The following ADAMTS17 variants were observed in gnomAD, a reference collection of about 807,000 sequenced individuals.
ADAMTS17 encodes A disintegrin and metalloproteinase with thrombospondin motifs 17.
ADAMTS17 carries 113 observed loss-of-function variants against 141.5 expected under a neutral mutation model. That is an observed-to-expected ratio of 0.80 (90% confidence interval 0.69 to 0.93). ADAMTS17 has a LOEUF of 0.93. Among genes scored for constraint, ADAMTS17 ranks in the 40% least tolerant of loss-of-function variants. The probability of loss-of-function intolerance (pLI) is 0.00; values close to 1 mark genes in which losing one functional copy is unlikely to be tolerated. For missense variants in ADAMTS17, 1,659 were observed against 1,517.9 expected (o/e 1.09, Z -1.54); for synonymous variants, 768 against 630.6 (o/e 1.22, Z -3.27).
intron 20 of ADAMTS17, chr15:99,976,535 G>C: frequency 1.9e-6 from 1 of 538,918 alleles, no homozygotes; most frequent in Admixed American, 3.1e-5. Flanking sequence ...ACTGTTTCAA[G>C]ATGTTATGGA....
chr15:100,092,411 G>A (rs181430903), intron 15 of ADAMTS17, among the ~76,000 whole-genome samples: 1 of 152,304 alleles, frequency 6.6e-6, no homozygotes, highest in East Asian at 1.9e-4. Flanking sequence ...GGGACGACAC[G>A]TAACATCCAG....
At chr15:100,282,157 C>G (rs537882110) in intron 3 of ADAMTS17, among the ~76,000 whole-genome samples, 19 of 152,326 alleles carry the variant, frequency 1.2e-4, no homozygotes, top group Non-Finnish European at 2.5e-4. Context: ...ACATCTCTGA[C>G]CAACACAACA....
intron 15 of ADAMTS17, among the ~76,000 whole-genome samples, chr15:100,078,165 T>G (rs2141790612): frequency 6.6e-6 from 1 of 152,016 alleles, no homozygotes; most frequent in Middle Eastern, 3.4e-3. Flanking sequence ...ATGTAACTGC[T>G]TCACAAATTG....
At chr15:100,239,045 A>G (rs8034245) in intron 7 of ADAMTS17, among the ~76,000 whole-genome samples, 99,245 of 152,074 alleles carry the variant, frequency 0.65, 32,666 homozygotes, top group African/African-American at 0.73. Context: ...AGCCGAGATC[A>G]CGCCACTGCA....
intron 10 of ADAMTS17, among the ~76,000 whole-genome samples, chr15:100,138,628 G>C (rs1292191148): frequency 1.3e-5 from 2 of 152,220 alleles, no homozygotes; most frequent in Non-Finnish European, 2.9e-5. Context: ...GATGGGTTAA[G>C]AGATCCGAAG....
At chr15:100,152,817 T>G in intron 9 of ADAMTS17, 55 bp from the exon 10 acceptor site, 1 of 1,534,600 alleles carries the variant, frequency 6.5e-7, no homozygotes, top group Non-Finnish European at 8.8e-7. Flanking sequence ...GGTTTTTTTG[T>G]TTTCTTTTTC....
In ADAMTS17 at chr15:100,341,425, A is replaced by AGAC; in HGVS notation, c.80-19_80-17dup. On this transcript the variant is annotated splice_polypyrimidine_tract_variant and intron_variant, in intron 1 of 21. Coordinates refer to ENST00000268070, the MANE Select transcript of ADAMTS17 (RefSeq NM_139057.4). The stretch of plus-strand genomic sequence containing the variant: ...TCGCCGACAGCTGCGGGGAGAGAGG[A>AGAC]GACGCGTCAGCGCGGCGGGGCCCGC... 1 of 1,013,742 alleles carries AGAC rather than the reference A, an allele frequency of 9.9e-7. No homozygotes were observed. The allele number at this position is 1,013,742 out of a possible 1,614,324, so 62.8% of individuals were successfully genotyped here. A position where few individuals can be genotyped will look rare whatever the true frequency, so the allele number is the denominator to read the frequency against.
chr15:100,127,142 G>A (rs113591466), intron 12 of ADAMTS17, among the ~76,000 whole-genome samples: 4,419 of 152,238 alleles, frequency 0.029, 99 homozygotes, highest in Non-Finnish European at 0.038. Flanking sequence ...AGGCTGCAGG[G>A]GGCTGAACGG....
Position 100,205,570 on chromosome 15 carries a change from C to T in ADAMTS17, c.1076-6147G>A, listed in dbSNP as rs146691564. 2.4e-3 allele frequency among the ~76,000 whole-genome samples: 364 copies of T among 152,148 alleles called. 1 individual carries two copies. The highest frequency in any genetic ancestry group is 7.4e-3 in the African/African-American group (306 of 41,502). ...TGTCAAATCACAGTGTGCCTCTCTT[C>T]GGAGAACCCCAGAGAGGCTCAGGGG... On this transcript the variant is annotated intron_variant, in intron 7 of 21. Transcript: ENST00000268070.
At chr15:100,077,129 G>C (rs556002238) in intron 15 of ADAMTS17, among the ~76,000 whole-genome samples, 1 of 151,682 alleles carries the variant, frequency 6.6e-6, no homozygotes, top group South Asian at 2.1e-4. Flanking sequence ...TTTATGCTAG[G>C]ACTCAAGCTT....
rs2060238954 is a variant in ADAMTS17, at chr15:99,972,830, C to T, written c.*1572G>A. ...AGACAGGGTGGAGAAGGCAGAGAGG[C>T]TTCTTTCTGATTTAAGCTAACTCTA... On this transcript the variant is annotated 3_prime_UTR_variant, in exon 22 of 22. Coordinates refer to ENST00000268070, the MANE Select transcript of ADAMTS17 (RefSeq NM_139057.4). 1.3e-5 allele frequency: 2 copies of T among 152,196 alleles called. No homozygotes were observed. Among genetic ancestry groups the T allele is most frequent in the African/African-American group, 2.4e-5 (1 of 41,436 alleles). The allele number at this position is 152,196 out of a possible 1,614,324, so 9.4% of individuals were successfully genotyped here.
At chr15:99,982,989 CAT>C (rs1294788724) in intron 20 of ADAMTS17, among the ~76,000 whole-genome samples, 11 of 152,318 alleles carry the variant, frequency 7.2e-5, no homozygotes, top group Admixed American at 6.5e-5. Context: ...TGGATTTACT[CAT>C]GTGCTTTTTT....
intron 2 of ADAMTS17, among the ~76,000 whole-genome samples, chr15:100,339,902 C>T (rs1001425313): frequency 6.6e-6 from 1 of 152,230 alleles, no homozygotes; most frequent in African/African-American, 2.4e-5. Flanking sequence ...AGACCTTGCA[C>T]CCCCAGCCTT....
chr15:100,285,972 G>C (rs1484366764), intron 3 of ADAMTS17, among the ~76,000 whole-genome samples: 1 of 152,138 alleles, frequency 6.6e-6, no homozygotes, highest in African/African-American at 2.4e-5. Flanking sequence ...TAGGGCCCCA[G>C]CATGGTCACA....
In ADAMTS17 at chr15:100,109,046, C is replaced by G; in HGVS notation, c.1959G>C (p.Leu653=). 6.2e-7 allele frequency: 1 copy of G among 1,614,108 alleles called. No individual in the cohort carries two copies. Among genetic ancestry groups the G allele is most frequent in the Non-Finnish European group, 8.5e-7 (1 of 1,180,038 alleles). The change falls in exon 14 of 22, where the codon CTG becomes CTC. Residue 653 remains leucine, a synonymous_variant. Coordinates refer to ENST00000268070, the MANE Select transcript of ADAMTS17 (RefSeq NM_139057.4). ...CGTAGGGCCCGCAGGGTGTACCGTCCAGGACCCTGTCGGCCACCAGCAGTG... is the reference window on the plus strand; with the variant it reads ...CGTAGGGCCCGCAGGGTGTACCGTCGAGGACCCTGTCGGCCACCAGCAGTG... ...ESPLLVADRV[L]DGTPCGPYET...
chr15:100,267,575 C>A (rs1034690189), intron 4 of ADAMTS17, among the ~76,000 whole-genome samples: 1 of 152,058 alleles, frequency 6.6e-6, no homozygotes, highest in Non-Finnish European at 1.5e-5. Flanking sequence ...AGGTTGGTTA[C>A]GTGAGTATAT....
rs879303977 is a variant in ADAMTS17 at position 100,318,274 on chromosome 15, GC to G, written c.616+12614del. Among the ~76,000 whole-genome samples the G allele has an allele frequency of 2.6e-3, 334 of 130,714 alleles. 1 individual carries two copies. The highest frequency in any genetic ancestry group is 8.7e-3 in the African/African-American group (317 of 36,620). The allele number at this position is 130,714 out of a possible 152,430, so 85.8% of individuals were successfully genotyped here. Reference sequence around the variant, plus strand: ...ATTTACCAGACAAAATCTAACACCCGCCCCCCCTTATAGTTTTTTAATACCA... The same window carrying G: ...ATTTACCAGACAAAATCTAACACCCGCCCCCCTTATAGTTTTTTAATACCA... On this transcript the variant is annotated intron_variant, in intron 3 of 21. Transcript: ENST00000268070.
rs943028480 is a variant in ADAMTS17, at chr15:100,070,298, C to A, written c.2138-16244G>T. ...ACTCCCACACAATAATAATGGGAGA[C>A]TTTAACACCCCACTGTCAACATTAG... On this transcript the variant is annotated intron_variant, in intron 15 of 21. Transcript: ENST00000268070. 4.6e-4 allele frequency among the ~76,000 whole-genome samples: 69 copies of A among 149,930 alleles called. 3 individuals carry two copies. Among genetic ancestry groups the A allele is most frequent in the Middle Eastern group, 6.9e-3 (2 of 290 alleles).
At chr15:100,102,940 G>T (rs1596439435) in intron 14 of ADAMTS17, among the ~76,000 whole-genome samples, 1 of 152,168 alleles carries the variant, frequency 6.6e-6, no homozygotes, top group Non-Finnish European at 1.5e-5. Flanking sequence ...CTCGGTTTGG[G>T]CTGTCTTTTC....
Sources: allele counts gnomAD v4.1 joint callset (sites outside exome capture counted in the v4.1 genomes callset), GRCh38; gene constraint gnomAD v4.1.1; transcripts MANE v1.5; gene names NCBI Gene and HGNC (gene_info 2026-07-23, HGNC 2026-07-21).